The following ATF7 variants were observed in gnomAD, a reference collection of about 807,000 sequenced individuals.
The protein encoded by ATF7 is activating transcription factor 7.
In ATF7, 10 loss-of-function variants were observed where a neutral mutation model predicts 50.4. The ratio of observed to expected loss-of-function variants is 0.20; its 90% CI spans 0.12 to 0.34. The LOEUF (loss-of-function observed/expected upper bound fraction) is 0.34. ATF7 is among the 10% of genes least tolerant of loss of function. The pLI is 1.00. For missense variants in ATF7, 465 were observed against 613.9 expected (o/e 0.76, Z 2.56); for synonymous variants, 201 against 226.4 (o/e 0.89, Z 1.01).
chr12:53,535,945 G>C (rs1213543720), intron 5 of ATF7, among the ~76,000 whole-genome samples: 1 of 152,058 alleles, frequency 6.6e-6, no homozygotes, highest in Non-Finnish European at 1.5e-5. Context: ...TTGAGCCTGG[G>C]AGGCAGACGT....
chr12:53,616,459 C>G (rs1944121492), intron 1 of ATF7, among the ~76,000 whole-genome samples: 1 of 151,914 alleles, frequency 6.6e-6, no homozygotes, highest in Non-Finnish European at 1.5e-5. Context: ...CAAGCTCAAG[C>G]AATCTGCCCA....
chr12:53,572,912 A>T (rs1165618993), intron 2 of ATF7, among the ~76,000 whole-genome samples: 1 of 151,654 alleles, frequency 6.6e-6, no homozygotes, highest in African/African-American at 2.4e-5. Flanking sequence ...CAGCCTCCTG[A>T]GTAGCTGGGA....
chr12:53,552,403 T>A, intron 3 of ATF7, 138 bp downstream of exon 3: 1 of 627,028 alleles, frequency 1.6e-6, no homozygotes. Context: ...TTAGTGTTCC[T>A]TTTTCCTGAT....
chr12:53,579,154 G>A (rs1348872973), intron 2 of ATF7, among the ~76,000 whole-genome samples: 1 of 152,040 alleles, frequency 6.6e-6, no homozygotes, highest in Non-Finnish European at 1.5e-5. Context: ...TGAGGCACAA[G>A]AATCACTTGA....
At chr12:53,587,899 T>C (rs1942790578) in intron 2 of ATF7, among the ~76,000 whole-genome samples, 1 of 144,964 alleles carries the variant, frequency 6.9e-6, no homozygotes, top group Non-Finnish European at 1.5e-5. Flanking sequence ...CAGGCTGGAG[T>C]GCAATGGCAC....
At chr12:53,530,158 A>G (rs763960142) in intron 9 of ATF7, among the ~76,000 whole-genome samples, 4 of 152,218 alleles carry the variant, frequency 2.6e-5, no homozygotes, top group Non-Finnish European at 4.4e-5. Flanking sequence ...TGCCATCTTC[A>G]GGACTGGCTT....
intron 2 of ATF7, among the ~76,000 whole-genome samples, chr12:53,578,736 A>T (rs917993710): frequency 2.0e-5 from 3 of 150,882 alleles, no homozygotes; most frequent in Non-Finnish European, 4.4e-5. Context: ...GTGAGCTACA[A>T]CCTTGCCACT....
intron 11 of ATF7, among the ~76,000 whole-genome samples, chr12:53,520,067 T>C (rs1279317278): frequency 6.6e-6 from 1 of 152,196 alleles, no homozygotes; most frequent in Non-Finnish European, 1.5e-5. Flanking sequence ...CTGAACTTCT[T>C]GAAACACTTT....
intron 3 of ATF7, among the ~76,000 whole-genome samples, chr12:53,550,913 T>G (rs1940315471): frequency 1.3e-5 from 2 of 152,228 alleles, no homozygotes; most frequent in African/African-American, 4.8e-5. Flanking sequence ...CCTGGAGACT[T>G]GGTATAGACC....
In ATF7 at chr12:53,513,129, T is replaced by C. The variant is rs1944179722; in HGVS notation, c.*4008A>G. 6.6e-6 allele frequency: 1 copy of C among 152,090 alleles called. No homozygotes were observed. Among genetic ancestry groups the C allele is most frequent in the Admixed American group, 6.6e-5 (1 of 15,266 alleles). The allele number at this position is 152,090 out of a possible 1,614,324, so 9.4% of individuals were successfully genotyped here. On this transcript the variant is annotated 3_prime_UTR_variant, in exon 12 of 12. Transcript: ENST00000420353. ...CCCCCATTAAAAAAATAAACCCTAG[T>C]AGCTATGATACAAACCTACATCTAC...
chr12:53,618,172 G>C (rs974673325), intron 1 of ATF7, among the ~76,000 whole-genome samples: 1 of 152,140 alleles, frequency 6.6e-6, no homozygotes, highest in Non-Finnish European at 1.5e-5. Context: ...CCACTGGGTC[G>C]ACAGAAACAT....
At chr12:53,585,429 T>A (rs145992248) in intron 2 of ATF7, among the ~76,000 whole-genome samples, 1 of 152,180 alleles carries the variant, frequency 6.6e-6, no homozygotes, top group African/African-American at 2.4e-5. Context: ...GGGAGGCTAG[T>A]GTGTGTGAGG....
chr12:53,584,722 T>C (rs1368910536), intron 2 of ATF7, among the ~76,000 whole-genome samples: 1 of 152,114 alleles, frequency 6.6e-6, no homozygotes, highest in South Asian at 2.1e-4. Flanking sequence ...AAATAAGGTA[T>C]CAAGCCATGA....
intron 2 of ATF7, among the ~76,000 whole-genome samples, chr12:53,552,853 CTCTGTAATA>C (rs1375795944): frequency 2.0e-5 from 3 of 152,044 alleles, no homozygotes; most frequent in Non-Finnish European, 4.4e-5. Context: ...ACACCAACTG[CTCTGTAATA>C]TCAGGTCCAA....
rs1340430100 is a variant in ATF7 at position 53,513,088 on chromosome 12, ACT to A, written c.*4047_*4048del. 11 of 152,104 alleles carry A rather than the reference ACT, an allele frequency of 7.2e-5. No homozygotes were observed. The highest frequency in any genetic ancestry group is 8.8e-5 in the Non-Finnish European group (6 of 68,010). The allele number at this position is 152,104 out of a possible 1,614,324, so 9.4% of individuals were successfully genotyped here. A position where few individuals can be genotyped will look rare whatever the true frequency, so the allele number is the denominator to read the frequency against. ...ACCAGTAGCTACTGCTGGTGAGATAACTCTGTGCTATTAGCCCCCCATTAAAA... is the reference window on the plus strand; with the variant it reads ...ACCAGTAGCTACTGCTGGTGAGATAACTGTGCTATTAGCCCCCCATTAAAA... On this transcript the variant is annotated 3_prime_UTR_variant, in exon 12 of 12. Transcript: ENST00000420353.
intron 2 of ATF7, among the ~76,000 whole-genome samples, chr12:53,553,821 C>T (rs192376522): frequency 6.6e-6 from 1 of 152,272 alleles, no homozygotes; most frequent in East Asian, 1.9e-4. Flanking sequence ...TACTTCTCAC[C>T]AAATACTATA....
chr12:53,592,672 GA>G (rs898746612), intron 2 of ATF7, among the ~76,000 whole-genome samples: 5 of 151,472 alleles, frequency 3.3e-5, no homozygotes, highest in South Asian at 2.1e-4. Context: ...AGCAAACAAA[GA>G]AAAAAAACCC....
Position 53,512,658 on chromosome 12 carries a change from T to C in ATF7, c.*4479A>G, listed in dbSNP as rs1161367694. 6.6e-6 allele frequency: 1 copy of C among 152,144 alleles called. No homozygotes were observed. The highest frequency in any genetic ancestry group is 1.5e-5 in the Non-Finnish European group (1 of 68,048). 9.4% of individuals were successfully genotyped at this position (152,144 alleles called of 1,614,324 possible). On this transcript the variant is annotated 3_prime_UTR_variant, in exon 12 of 12. Transcript: ENST00000420353. ...AGTCTGCAAGGGAATATGGGACAACTCCTGTCCAGACCAATGCATGGTTTT... is the reference window on the plus strand; with the variant it reads ...AGTCTGCAAGGGAATATGGGACAACCCCTGTCCAGACCAATGCATGGTTTT...
At chr12:53,532,972 T>A (rs1360196083) in intron 7 of ATF7, among the ~76,000 whole-genome samples, 188 bp downstream of exon 7, 2 of 151,954 alleles carry the variant, frequency 1.3e-5, no homozygotes, top group African/African-American at 4.8e-5. Flanking sequence ...TCCAGATGAG[T>A]CTTTATCTAG....
Sources: allele counts gnomAD v4.1 joint callset (sites outside exome capture counted in the v4.1 genomes callset), GRCh38; gene constraint gnomAD v4.1.1; transcripts MANE v1.5; gene names NCBI Gene and HGNC (gene_info 2026-07-23, HGNC 2026-07-21).